Variants in STAU2 observed in about 807,000 individuals in gnomAD.
The protein encoded by STAU2 is staufen double-stranded RNA binding protein 2.
Under a neutral mutation model 65.9 loss-of-function variants are expected in STAU2, and 20 were observed. The observed-to-expected ratio is 0.30, with a 90% CI of 0.21 to 0.44. The LOEUF is 0.44. STAU2 is among the 20% of genes least tolerant of loss of function. The pLI, the probability that STAU2 is intolerant of heterozygous loss-of-function variation, is 1.00. For synonymous variants in STAU2, 232 were observed against 233.9 expected (o/e 0.99, Z 0.07); for missense variants, 558 against 683.9 (o/e 0.82, Z 2.05).
rs1563510465 is a variant in STAU2, at chr8:73,691,768, C to T, written c.115-2955G>A. Among the ~76,000 whole-genome samples the T allele has an allele frequency of 3.3e-5, 5 of 151,978 alleles. No homozygotes were observed. In the South Asian group the frequency reaches 6.2e-4, roughly 19 times the overall value. On this transcript the variant is annotated intron_variant, in intron 4 of 14. Transcript: ENST00000524300. The stretch of plus-strand genomic sequence containing the variant: ...AGAGCTCCCAAAACCTTGTAATTTC[C>T]GGAAGGACAGGAGAACTAGGAGCAT...
At chr8:73,739,683 C>G in intron 2 of STAU2, 73 bp downstream of exon 2, 1 of 1,203,530 alleles carries the variant, frequency 8.3e-7, no homozygotes, top group Non-Finnish European at 1.1e-6. Flanking sequence ...CCTATGAGAA[C>G]GGGATGCTGT....
At chr8:73,557,558 A>G (rs1174344155) in intron 12 of STAU2, among the ~76,000 whole-genome samples, 2 of 152,232 alleles carry the variant, frequency 1.3e-5, no homozygotes, top group East Asian at 1.9e-4. Context: ...TTCTATTAGT[A>G]GGATGTGACT....
intron 3 of STAU2, among the ~76,000 whole-genome samples, chr8:73,734,719 G>A (rs905836021): frequency 4.6e-5 from 7 of 152,154 alleles, no homozygotes; most frequent in African/African-American, 1.4e-4. Flanking sequence ...GCTTGAATTC[G>A]GAAGGCGGAG....
At chr8:73,524,491 T>C (rs185096742) in intron 13 of STAU2, among the ~76,000 whole-genome samples, 1 of 152,316 alleles carries the variant, frequency 6.6e-6, no homozygotes. Context: ...CTCTGTCCTG[T>C]TACCCTTTAA....
intron 6 of STAU2, among the ~76,000 whole-genome samples, chr8:73,669,637 TTCTCTCTCTCTCTCTC>T (rs34037884): frequency 7.1e-6 from 1 of 141,246 alleles, no homozygotes; most frequent in Non-Finnish European, 1.5e-5. Flanking sequence ...GAGCCTGGAA[TTCTCTCTCTCTCTCTC>T]TCTCTCTCTC....
At chr8:73,638,896 G>T (rs1423262498) in intron 6 of STAU2, among the ~76,000 whole-genome samples, 1 of 151,262 alleles carries the variant, frequency 6.6e-6, no homozygotes, top group African/African-American at 2.4e-5. Context: ...TTTTAATATG[G>T]TGTAAGCAAT....
intron 8 of STAU2, among the ~76,000 whole-genome samples, chr8:73,614,442 G>T (rs1055011908): frequency 1.3e-5 from 2 of 152,158 alleles, no homozygotes; most frequent in African/African-American, 2.4e-5. Flanking sequence ...ATAAAAATAA[G>T]CTGTTTTTGA....
chr8:73,658,767 GC>G (rs1421402518), intron 6 of STAU2, among the ~76,000 whole-genome samples: 2 of 151,998 alleles, frequency 1.3e-5, no homozygotes, highest in African/African-American at 2.4e-5. Flanking sequence ...ACAAAAATTA[GC>G]TGGGCATGGT....
intron 13 of STAU2, among the ~76,000 whole-genome samples, chr8:73,447,883 C>T (rs1818562076): frequency 6.6e-6 from 1 of 152,198 alleles, no homozygotes; most frequent in Admixed American, 6.5e-5. Flanking sequence ...ATCTTACCAC[C>T]CTCTGGAAAG....
chr8:73,681,887 A>T (rs1356574473), intron 5 of STAU2, among the ~76,000 whole-genome samples: 2 of 152,204 alleles, frequency 1.3e-5, no homozygotes, highest in African/African-American at 4.8e-5. Context: ...AAAGAGGGAC[A>T]TTACATAATG....
chr8:73,593,991 T>C (rs1259339457), intron 11 of STAU2, among the ~76,000 whole-genome samples: 3 of 152,216 alleles, frequency 2.0e-5, no homozygotes. Context: ...AATTAATTAA[T>C]GCTGGTTTTT....
chr8:73,707,644 C>T (rs10108092), intron 4 of STAU2, among the ~76,000 whole-genome samples: 41,923 of 151,742 alleles, frequency 0.28, 6,295 homozygotes, highest in East Asian at 0.45. Flanking sequence ...AACTGGGGGA[C>T]TGTCTCAAGG....
At chr8:73,730,341 ATACATAGC>A (rs1805957399) in intron 3 of STAU2, among the ~76,000 whole-genome samples, 1 of 152,132 alleles carries the variant, frequency 6.6e-6, no homozygotes, top group Non-Finnish European at 1.5e-5. Flanking sequence ...ACTGGAGAAG[ATACATAGC>A]ATGATTTCAA....
At chr8:73,426,756 C>T (rs369116332) in intron 13 of STAU2, among the ~76,000 whole-genome samples, 21 of 152,160 alleles carry the variant, frequency 1.4e-4, no homozygotes, top group East Asian at 3.9e-4. Context: ...AGAAACATTT[C>T]GGTAGCATCA....
chr8:73,665,632 T>C (rs1017571065), intron 6 of STAU2, among the ~76,000 whole-genome samples: 2 of 152,174 alleles, frequency 1.3e-5, no homozygotes, highest in South Asian at 4.1e-4. Context: ...AGTCTGTATG[T>C]TGTTTGATCA....
intron 6 of STAU2, among the ~76,000 whole-genome samples, chr8:73,636,583 C>A (rs1447326200): frequency 6.6e-6 from 1 of 152,092 alleles, no homozygotes; most frequent in Non-Finnish European, 1.5e-5. Context: ...CAGCAAAGGG[C>A]CGGGTGTGGT....
chr8:73,693,335 C>T (rs376630106), intron 4 of STAU2, among the ~76,000 whole-genome samples: 215 of 151,952 alleles, frequency 1.4e-3, no homozygotes, highest in South Asian at 9.2e-3. Flanking sequence ...ATTAGCCGGG[C>T]GTGGTAGCAG....
At chr8:73,617,869 G>T (rs1812948461) in intron 6 of STAU2, among the ~76,000 whole-genome samples, 1 of 151,906 alleles carries the variant, frequency 6.6e-6, no homozygotes, top group Non-Finnish European at 1.5e-5. Flanking sequence ...TAGAAATATA[G>T]ATTAGAAATG....
rs117981941 is a variant in STAU2 at position 73,596,139 on chromosome 8, T to A, written c.1030-842A>T. ...AAAAAAAAAAAAAAAGGCTTCCAAGTCAGATTGGGATATGAAACTCAACTC... is the reference window on the plus strand; with the variant it reads ...AAAAAAAAAAAAAAAGGCTTCCAAGACAGATTGGGATATGAAACTCAACTC... On this transcript the variant is annotated intron_variant, in intron 10 of 14. Coordinates refer to ENST00000524300, the MANE Select transcript of STAU2 (RefSeq NM_001164380.2). 7.8e-3 allele frequency among the ~76,000 whole-genome samples: 1,168 copies of A among 150,488 alleles called. 13 individuals are homozygous for A. The highest frequency in any genetic ancestry group is 9.8e-3 in the Non-Finnish European group (662 of 67,742).
Sources: gnomAD v4.1 joint callset for allele counts (sites outside exome capture counted in the v4.1 genomes callset) on GRCh38, gnomAD v4.1.1 for gene constraint, MANE v1.5 for transcripts, NCBI Gene and HGNC (gene_info 2026-07-23, HGNC 2026-07-21) for gene names.